EPB41L4A: variants seen among roughly 807,000 people sequenced by gnomAD.
EPB41L4A encodes the protein erythrocyte membrane protein band 4.1 like 4A.
Under a neutral mutation model 108.6 loss-of-function variants are expected in EPB41L4A, and 100 were observed. The ratio of observed to expected loss-of-function variants is 0.92; its 90% confidence interval spans 0.78 to 1.09. EPB41L4A has a LOEUF of 1.09. Among genes scored for constraint, EPB41L4A ranks in the 50% least tolerant of loss-of-function variants. The pLI is 0.00. For missense variants in EPB41L4A, 1,030 were observed against 842.7 expected (o/e 1.22, Z -2.75); for synonymous variants, 319 against 289.0 (o/e 1.10, Z -1.05).
chr5:112,217,088 G>C (rs1747700762), intron 12 of EPB41L4A, among the ~76,000 whole-genome samples: 1 of 151,822 alleles, frequency 6.6e-6, no homozygotes, highest in Non-Finnish European at 1.5e-5. Context: ...GGGATTACAG[G>C]CACCCACCAT....
intron 1 of EPB41L4A, among the ~76,000 whole-genome samples, chr5:112,364,905 C>A (rs1023388732): frequency 6.6e-6 from 1 of 152,054 alleles, no homozygotes; most frequent in Non-Finnish European, 1.5e-5. Context: ...ATTACATATA[C>A]CCTTATATTC....
chr5:112,201,900 C>T (rs1435050471), intron 15 of EPB41L4A, among the ~76,000 whole-genome samples: 1 of 152,154 alleles, frequency 6.6e-6, no homozygotes, highest in Non-Finnish European at 1.5e-5. Flanking sequence ...ACCATCATCT[C>T]CCTGAGCCTC....
intron 9 of EPB41L4A, among the ~76,000 whole-genome samples, chr5:112,243,685 C>G (rs1749984757): frequency 2.0e-5 from 3 of 152,164 alleles, no homozygotes; most frequent in Admixed American, 1.3e-4. Flanking sequence ...TGCTGCTTCA[C>G]CTTGTACTTT....
At chr5:112,401,578 T>C (rs1391292564) in intron 1 of EPB41L4A, among the ~76,000 whole-genome samples, 1 of 152,138 alleles carries the variant, frequency 6.6e-6, no homozygotes, top group East Asian at 1.9e-4. Flanking sequence ...AATGTCTTAA[T>C]TTAAGAAGAA....
intron 2 of EPB41L4A, among the ~76,000 whole-genome samples, chr5:112,287,239 G>T (rs1753348463): frequency 6.6e-6 from 1 of 152,100 alleles, no homozygotes; most frequent in Non-Finnish European, 1.5e-5. Flanking sequence ...TCAAACTTTA[G>T]ATGTCCAAAA....
chr5:112,149,332 C>T (rs755975562), intron 12 of EPB41L4A, among the ~76,000 whole-genome samples: 3 of 152,032 alleles, frequency 2.0e-5, no homozygotes, highest in South Asian at 2.1e-4. Flanking sequence ...ATTAGCCAGG[C>T]GTGGTGGCAC....
chr5:112,414,706 T>C (rs762238677), intron 1 of EPB41L4A, among the ~76,000 whole-genome samples: 7 of 152,242 alleles, frequency 4.6e-5, no homozygotes, highest in Non-Finnish European at 7.3e-5. Flanking sequence ...TAAACAGTTA[T>C]TAAATCACAT....
At chr5:112,269,544 C>T (rs1176569823) in intron 4 of EPB41L4A, among the ~76,000 whole-genome samples, 1 of 152,062 alleles carries the variant, frequency 6.6e-6, no homozygotes, top group East Asian at 1.9e-4. Flanking sequence ...CTGATTAAAG[C>T]TATGATGGAA....
rs143384866 is a variant in EPB41L4A at position 112,205,706 on chromosome 5, CCT to C, written c.1179-204_1179-203del. ...AGCAAGTACCTTTGGGTCTTTCCCCCCTCTTTCTTTCTAGTTTTACTGCTTTA... is the reference window on the plus strand; with the variant it reads ...AGCAAGTACCTTTGGGTCTTTCCCCCCTTTCTTTCTAGTTTTACTGCTTTA... On this transcript the variant is annotated intron_variant, in intron 13 of 22. Transcript: ENST00000261486. Among the ~76,000 whole-genome samples the C allele has an allele frequency of 5.8e-3, 876 of 152,276 alleles. 3 individuals are homozygous for C. The highest frequency in any genetic ancestry group is 0.014 in the Middle Eastern group (4 of 294).
chr5:112,268,884 A>G (rs1366499210), intron 4 of EPB41L4A, among the ~76,000 whole-genome samples: 3 of 150,818 alleles, frequency 2.0e-5, no homozygotes, highest in Admixed American at 6.6e-5. Context: ...ACATCTGACT[A>G]GACAATCAAA....
rs565210357 is a variant in EPB41L4A, at chr5:112,301,046, GTTCC to G, written c.204+6336_204+6339del. On this transcript the variant is annotated intron_variant, in intron 2 of 22. Transcript: ENST00000261486. ...TATTTCACTGAAGATTCCTCCCCTC[GTTCC>G]TTGTATCATTTTTTTTGATTTCCTT... 3.9e-4 allele frequency among the ~76,000 whole-genome samples: 59 copies of G among 151,766 alleles called. 1 individual carries two copies. The highest frequency in any genetic ancestry group is 1.3e-3 in the African/African-American group (54 of 41,372).
At chr5:112,176,984 A>C (rs371493942) in intron 18 of EPB41L4A, among the ~76,000 whole-genome samples, 10 of 152,018 alleles carry the variant, frequency 6.6e-5, no homozygotes, top group African/African-American at 2.4e-4. Context: ...TGAACTCCTG[A>C]ACTCAGGTGA....
At chr5:112,267,420 A>T (rs1352418388) in intron 4 of EPB41L4A, among the ~76,000 whole-genome samples, 1 of 152,210 alleles carries the variant, frequency 6.6e-6, no homozygotes, top group Non-Finnish European at 1.5e-5. Flanking sequence ...CACCACATTG[A>T]TTATTTCAGG....
At chr5:112,167,705 C>T (rs1454382260) in intron 22 of EPB41L4A, among the ~76,000 whole-genome samples, 2 of 152,168 alleles carry the variant, frequency 1.3e-5, no homozygotes, top group African/African-American at 4.8e-5. Context: ...CTGCCCAAAC[C>T]CGTCTTTGAC....
At chr5:112,210,206 T>A (rs1267966243) in intron 12 of EPB41L4A, 1 of 340,866 alleles carries the variant, frequency 2.9e-6, no homozygotes, top group Non-Finnish European at 5.2e-6. Flanking sequence ...GTCTAGGCTA[T>A]TTTTTTCAGA....
downstream of EPB41L4A, among the ~76,000 whole-genome samples, chr5:112,158,872 C>A (rs1377931510): frequency 1.3e-5 from 2 of 152,190 alleles, no homozygotes; most frequent in Non-Finnish European, 2.9e-5. Context: ...GGTGAGGACA[C>A]AGCCAAAACA....
chr5:112,260,034 A>C, intron 7 of EPB41L4A, 55 bp from the exon 8 acceptor site: 1 of 1,248,558 alleles, frequency 8.0e-7, no homozygotes, highest in South Asian at 1.2e-5. Context: ...TCTCTTTGTC[A>C]AACTATAATT....
rs561328868 is a variant in EPB41L4A, at chr5:112,346,216, A to ATTTTTTTTTTTTTTTTTTT, written c.100-38745_100-38727dup. On this transcript the variant is annotated intron_variant, in intron 1 of 22. Coordinates refer to ENST00000261486, the MANE Select transcript of EPB41L4A (RefSeq NM_022140.5). ...AATTCTTTAAAGTTAGGTACATTGC[A>ATTTTTTTTTTTTTTTTTTT]TTTTTTTTTTTTTTTTTTTTTTTTT... 1.2e-3 allele frequency among the ~76,000 whole-genome samples: 78 copies of ATTTTTTTTTTTTTTTTTTT among 67,342 alleles called. 21 individuals are homozygous for ATTTTTTTTTTTTTTTTTTT. The highest frequency in any genetic ancestry group is 1.9e-3 in the Non-Finnish European group (62 of 32,334). 44.2% of individuals were successfully genotyped at this position (67,342 alleles called of 152,430 possible).
intron 9 of EPB41L4A, among the ~76,000 whole-genome samples, chr5:112,244,254 A>G (rs1750032185): frequency 6.6e-6 from 1 of 152,234 alleles, no homozygotes. Flanking sequence ...GAACACATGC[A>G]TCATTTATCA....
Sources: gnomAD v4.1 joint callset for allele counts (sites outside exome capture counted in the v4.1 genomes callset) on GRCh38, gnomAD v4.1.1 for gene constraint, MANE v1.5 for transcripts, NCBI Gene and HGNC (gene_info 2026-07-23, HGNC 2026-07-21) for gene names.